Variants in TIMMDC1 observed in about 807,000 individuals in gnomAD.
TIMMDC1 encodes translocase of inner mitochondrial membrane domain containing 1.
Under a neutral mutation model 32.6 loss-of-function variants are expected in TIMMDC1, and 25 were observed. The ratio of observed to expected loss-of-function variants is 0.77; its 90% confidence interval spans 0.56 to 1.07. The LOEUF is 1.07. Ranked by LOEUF, TIMMDC1 falls within the 50% of genes least tolerant of loss-of-function variation. The pLI is 0.00. For synonymous variants in TIMMDC1, 130 were observed against 127.6 expected (o/e 1.02, Z -0.13); for missense variants, 329 against 349.2 (o/e 0.94, Z 0.46).
At chr3:119,516,324 C>G (rs1056963577) in intron 5 of TIMMDC1, among the ~76,000 whole-genome samples, 2 of 152,178 alleles carry the variant, frequency 1.3e-5, no homozygotes, top group Non-Finnish European at 2.9e-5. Context: ...TTAGATACTT[C>G]ATATGAGTGG....
intron 1 of TIMMDC1, 92 bp from the exon 2 acceptor site, chr3:119,500,603 G>A (rs1287623733): frequency 9.2e-7 from 1 of 1,087,058 alleles, no homozygotes; most frequent in African/African-American, 1.6e-5. Context: ...ATGTTGTGGT[G>A]GTAGCATTTG....
intron 6 of TIMMDC1, among the ~76,000 whole-genome samples, chr3:119,520,164 T>G (rs1409938786): frequency 6.6e-6 from 1 of 151,794 alleles, no homozygotes; most frequent in Non-Finnish European, 1.5e-5. Context: ...AGTAGAAATG[T>G]TTCAAATAAA....
Position 119,498,650 on chromosome 3 carries a change from C to A in TIMMDC1, c.-84C>A. The A allele has an allele frequency of 7.3e-7, 1 of 1,363,210 alleles. No individual in the cohort carries two copies. The highest frequency in any genetic ancestry group is 1.0e-6 in the Non-Finnish European group (1 of 973,882). 84.4% of individuals were successfully genotyped at this position (1,363,210 alleles called of 1,614,324 possible). A position where few individuals can be genotyped will look rare whatever the true frequency, so the allele number is the denominator to read the frequency against. ...GGGTCAAATGCACGGATTCTCACCT[C>A]GTACAGTTACGCTCTCCCGCGGCAC... On this transcript the variant is annotated 5_prime_UTR_variant, in exon 1 of 7. Coordinates refer to ENST00000494664, the MANE Select transcript of TIMMDC1 (RefSeq NM_016589.4).
intron 4 of TIMMDC1, among the ~76,000 whole-genome samples, chr3:119,507,860 C>T (rs558453255): frequency 1.3e-5 from 2 of 152,236 alleles, no homozygotes; most frequent in East Asian, 3.9e-4. Flanking sequence ...TTTTAGTGAG[C>T]CTGTGCTTCT....
chr3:119,518,934 C>G (rs1049124873), intron 6 of TIMMDC1, among the ~76,000 whole-genome samples: 2 of 152,186 alleles, frequency 1.3e-5, no homozygotes, highest in Admixed American at 1.3e-4. Flanking sequence ...AGTATTATAC[C>G]TAGCAAAGCT....
At position 119,511,091 on chromosome 3, in the gene TIMMDC1, A is replaced by AT. The variant is rs539340697; in HGVS notation, c.518-2542dup. ...CACTTAAAGACATACATTTTTCTTA[A>AT]TTTTTTTTGATATTTCTAGGCTAGA... On this transcript the variant is annotated intron_variant, in intron 4 of 6. Coordinates refer to ENST00000494664, the MANE Select transcript of TIMMDC1 (RefSeq NM_016589.4). Among the ~76,000 whole-genome samples, 75 of 152,068 alleles carry AT rather than the reference A, an allele frequency of 4.9e-4. No individual in the cohort carries two copies. In the East Asian group the frequency reaches 0.013, roughly 26 times the overall value.
chr3:119,514,523 A>G (rs190837298), intron 5 of TIMMDC1, among the ~76,000 whole-genome samples: 15 of 152,324 alleles, frequency 9.8e-5, no homozygotes, highest in Admixed American at 9.2e-4. Context: ...TTATCATACT[A>G]ATGCCCACAT....
chr3:119,520,737 G>T (rs539987909), intron 6 of TIMMDC1, among the ~76,000 whole-genome samples: 1 of 152,208 alleles, frequency 6.6e-6, no homozygotes, highest in East Asian at 1.9e-4. Context: ...ATTCTACAAG[G>T]CTAGCATTAC....
intron 2 of TIMMDC1, among the ~76,000 whole-genome samples, chr3:119,503,002 T>G (rs946043116): frequency 6.6e-6 from 1 of 152,182 alleles, no homozygotes; most frequent in East Asian, 1.9e-4. Context: ...CCCCCTCTAT[T>G]TACATATTTA....
rs1372581830 is a variant in TIMMDC1 at position 119,498,925 on chromosome 3, A to G, written c.192A>G (p.Lys64=). 1 of 1,614,020 alleles carries G rather than the reference A, an allele frequency of 6.2e-7. No homozygotes were observed. Among genetic ancestry groups the G allele is most frequent in the South Asian group, 1.1e-5 (1 of 91,086 alleles). ...GWDRLRELFG[K]DEQQRISKDL... is the part of the protein sequence containing the mutation. ...ACCGCCTCCGGGAGCTGTTTGGCAA[A>G]GAGTAAAAGTGCCTAGGGTGTGAAG... is the stretch of plus-strand genomic sequence containing the variant. Residue 64 remains lysine (K), a splice_region_variant and synonymous_variant, in exon 1 of 7, where the codon AAA becomes AAG. Transcript: ENST00000494664.
chr3:119,513,683 G>A lies in TIMMDC1; in HGVS notation c.560G>A (p.Gly187Asp). 2 of 1,610,206 alleles carry A rather than the reference G, an allele frequency of 1.2e-6. No individual in the cohort carries two copies. The highest frequency in any genetic ancestry group is 1.1e-5 in the South Asian group (1 of 90,434). The stretch of plus-strand genomic sequence containing the variant: ...TTTAGGATAAACGTAGGCCTGCGTG[G>A]CCTGGTGGCTGGTGGCATAATTGGA... ...SLFRINVGLRGLVAGGIIGAL... is the reference protein window; with the variant it reads ...SLFRINVGLRDLVAGGIIGAL... Residue 187 changes from glycine (G) to aspartate (D), a missense_variant, in exon 5 of 7, where the codon GGC (glycine) becomes GAC (aspartate). Transcript: ENST00000494664.
intron 4 of TIMMDC1, among the ~76,000 whole-genome samples, chr3:119,512,886 G>A (rs370979319): frequency 3.1e-4 from 47 of 152,078 alleles, no homozygotes; most frequent in African/African-American, 1.9e-4. Flanking sequence ...GATTACAGGC[G>A]TGCACCACAA....
At chr3:119,514,956 G>A (rs1339196466) in intron 5 of TIMMDC1, among the ~76,000 whole-genome samples, 3 of 152,098 alleles carry the variant, frequency 2.0e-5, no homozygotes, top group Non-Finnish European at 4.4e-5. Context: ...TTGGGAGGCC[G>A]AGGCAGGTAG....
rs1577098887 is a variant in TIMMDC1 at position 119,510,287 on chromosome 3, A to G, written c.518-3354A>G. On this transcript the variant is annotated intron_variant, in intron 4 of 6. Transcript: ENST00000494664. ...AAGAATGTAATATAATAAGGAATAA[A>G]TTTAATAAATGTACAACTTCTCTGA... 2.6e-5 allele frequency among the ~76,000 whole-genome samples: 4 copies of G among 152,186 alleles called. No individual in the cohort carries two copies. In the East Asian group the frequency reaches 7.7e-4, roughly 29 times the overall value.
chr3:119,504,861 C>G (rs1333720582), intron 4 of TIMMDC1, among the ~76,000 whole-genome samples: 3 of 152,076 alleles, frequency 2.0e-5, no homozygotes, highest in African/African-American at 7.2e-5. Flanking sequence ...GCAGGTGGAT[C>G]ATCAGAGGTG....
At chr3:119,520,248 A>C (rs2082016607) in intron 6 of TIMMDC1, among the ~76,000 whole-genome samples, 1 of 152,108 alleles carries the variant, frequency 6.6e-6, no homozygotes, top group South Asian at 2.1e-4. Context: ...GAAATAAATA[A>C]AAAGATCAGA....
intron 2 of TIMMDC1, among the ~76,000 whole-genome samples, chr3:119,502,311 C>A (rs1286227516): frequency 6.6e-6 from 1 of 151,858 alleles, no homozygotes; most frequent in East Asian, 1.9e-4. Flanking sequence ...CTTGCTGCAA[C>A]CTCCATTTCC....
chr3:119,501,723 T>G (rs1027511673), intron 2 of TIMMDC1, among the ~76,000 whole-genome samples: 22 of 152,200 alleles, frequency 1.4e-4, no homozygotes, highest in African/African-American at 4.8e-4. Context: ...AATTTTTTTT[T>G]GTCTGGTCCA....
At chr3:119,515,442 GC>G (rs777234993) in intron 5 of TIMMDC1, among the ~76,000 whole-genome samples, 9 of 152,094 alleles carry the variant, frequency 5.9e-5, no homozygotes, top group Non-Finnish European at 8.8e-5. Context: ...GGAAAACTCT[GC>G]TTTTGAGTGT....
Sources: gnomAD v4.1 joint callset for allele counts (sites outside exome capture counted in the v4.1 genomes callset) on GRCh38, gnomAD v4.1.1 for gene constraint, MANE v1.5 for transcripts, NCBI Gene and HGNC (gene_info 2026-07-23, HGNC 2026-07-21) for gene names.